NANS: variants seen among roughly 807,000 people sequenced by gnomAD.
NANS encodes the protein N-acetylneuraminate-9-phosphate synthase.
NANS carries 29 observed loss-of-function variants against 33.3 expected under a neutral mutation model. The observed-to-expected ratio is 0.87, with a 90% CI of 0.65 to 1.19. The LOEUF (loss-of-function observed/expected upper bound fraction) is 1.19, where lower values mean the gene tolerates loss of function less well. NANS is among the 50% of genes most tolerant of loss of function. NANS has a pLI of 0.00. For missense variants in NANS, 394 were observed against 461.1 expected, an observed-to-expected ratio of 0.85 and a Z score of 1.33; for synonymous variants, 163 against 177.2, an observed-to-expected ratio of 0.92 and a Z score of 0.64.
At position 98,056,851 on chromosome 9, in the gene NANS, G is replaced by A. The variant is rs766439136; in HGVS notation, c.43G>A (p.Gly15Arg). 6.2e-7 allele frequency: 1 copy of A among 1,612,198 alleles called. No individual in the cohort carries two copies. Residue 15 changes from glycine (G) to arginine (R), a missense_variant, in exon 1 of 6, where the codon GGG (glycine) becomes AGG (arginine). Gly to Arg is a moderately radical substitution (Grantham distance 125). Coordinates refer to ENST00000210444, the MANE Select transcript of NANS (RefSeq NM_018946.4). Reference protein sequence around the residue: ...LELCPGRWVGGQHPCFIIAEI... With the variant: ...LELCPGRWVGRQHPCFIIAEI... ...GCTGTGTCCCGGGCGCTGGGTGGGCGGGCAACACCCGTGCTTCATCATTGC... is the reference window on the plus strand; with the variant it reads ...GCTGTGTCCCGGGCGCTGGGTGGGCAGGCAACACCCGTGCTTCATCATTGC...
chr9:98,071,359 G>A (rs983381648), intron 2 of NANS, among the ~76,000 whole-genome samples: 1 of 152,230 alleles, frequency 6.6e-6, no homozygotes, highest in Non-Finnish European at 1.5e-5. Flanking sequence ...GGACTCTAGG[G>A]TCAGATTTTA....
Position 98,078,320 on chromosome 9 carries a change from T to A in NANS, c.576T>A (p.Pro192=). Residue 192 remains proline (P), a synonymous_variant, in exon 4 of 6, where the codon CCT becomes CCA. Coordinates refer to ENST00000210444, the MANE Select transcript of NANS (RefSeq NM_018946.4). Reference sequence around the variant, plus strand: ...GTACCAGCGCATACCCGCTCCAGCCTGAGGACGTCAACCTGCGGGTCATCT... The same window carrying A: ...GTACCAGCGCATACCCGCTCCAGCCAGAGGACGTCAACCTGCGGGTCATCT... ...LQCTSAYPLQ[P]EDVNLRVISE... The A allele has an allele frequency of 6.2e-7, 1 of 1,613,720 alleles. No individual in the cohort carries two copies. Among genetic ancestry groups the A allele is most frequent in the Non-Finnish European group, 8.5e-7 (1 of 1,179,898 alleles).
chr9:98,078,441 C>G (rs568908824), intron 4 of NANS, 94 bp downstream of exon 4: 3 of 1,439,936 alleles, frequency 2.1e-6, no homozygotes, highest in East Asian at 2.3e-5. Context: ...ACATGGCATA[C>G]TTTATAATTT....
In NANS at chr9:98,056,798, G is replaced by C. The variant is rs756535085; in HGVS notation, c.-11G>C. On this transcript the variant is annotated 5_prime_UTR_variant, in exon 1 of 6. Coordinates refer to ENST00000210444, the MANE Select transcript of NANS (RefSeq NM_018946.4). ...GACTGGTAGTGAGGCTTTGGACCCC[G>C]AGCCGCTGCAATGCCGCTGGAGCTG... The C allele has an allele frequency of 2.3e-5, 37 of 1,610,516 alleles. No homozygotes were observed. Among genetic ancestry groups the C allele is most frequent in the Non-Finnish European group, 3.1e-5 (36 of 1,179,176 alleles).
chr9:98,075,447 A>AAGGGAGGAAAGGG (rs1252837555), intron 2 of NANS: 1 of 140,644 alleles, frequency 7.1e-6, no homozygotes, highest in African/African-American at 2.6e-5. Context: ...GGAGGAAGGA[A>AAGGGAGGAAAGGG]AGGGAGGAAA....
chr9:98,077,039 T>C, intron 3 of NANS, 22 bp downstream of exon 3: 1 of 1,569,976 alleles, frequency 6.4e-7, no homozygotes, highest in Non-Finnish European at 8.7e-7. Context: ...ATTTTTGACT[T>C]AAAATCGAAG....
intron 2 of NANS, among the ~76,000 whole-genome samples, chr9:98,069,061 A>G (rs1413962615): frequency 6.6e-6 from 1 of 152,222 alleles, no homozygotes; most frequent in African/African-American, 2.4e-5. Flanking sequence ...TGTGTTTATC[A>G]TATGACCCAC....
At chr9:98,060,674 A>G in intron 1 of NANS, 108 bp from the exon 2 acceptor site, 2 of 1,032,320 alleles carry the variant, frequency 1.9e-6, no homozygotes, top group South Asian at 2.9e-5. Context: ...CTGTCTCTAA[A>G]TAAATAAATA....
intron 2 of NANS, among the ~76,000 whole-genome samples, chr9:98,066,154 T>C (rs571738678): frequency 9.5e-4 from 144 of 152,340 alleles, no homozygotes; most frequent in South Asian, 6.4e-3. Context: ...AGGAGAAATG[T>C]TATGTGTGCA....
intron 2 of NANS, among the ~76,000 whole-genome samples, chr9:98,074,156 C>T (rs1829475879): frequency 6.6e-6 from 1 of 152,184 alleles, no homozygotes; most frequent in South Asian, 2.1e-4. Flanking sequence ...AGTTGATTTA[C>T]TGGGACCCTC....
intron 3 of NANS, among the ~76,000 whole-genome samples, chr9:98,077,658 C>T (rs1189719256): frequency 6.6e-6 from 1 of 152,194 alleles, no homozygotes; most frequent in African/African-American, 2.4e-5. Context: ...CGCAGTGGGA[C>T]ATGATCGTGT....
At chr9:98,078,021 G>A (rs1829668005) in intron 3 of NANS, 172 bp from the exon 4 acceptor site, 7 of 896,000 alleles carry the variant, frequency 7.8e-6, no homozygotes, top group Non-Finnish European at 1.2e-5. Flanking sequence ...TCCTGTGGCC[G>A]AGGGCAGGAA....
intron 5 of NANS, chr9:98,082,084 T>A (rs1411238781): frequency 6.6e-6 from 1 of 152,124 alleles, no homozygotes. Flanking sequence ...TATAGAGTAA[T>A]AAAACACGTA....
chr9:98,062,378 A>G (rs1829008661), intron 2 of NANS, among the ~76,000 whole-genome samples: 1 of 152,112 alleles, frequency 6.6e-6, no homozygotes, highest in African/African-American at 2.4e-5. Flanking sequence ...CTGGAAGAGT[A>G]CAGCTCGTGC....
Position 98,083,051 on chromosome 9 carries a change from C to T in NANS, c.1076C>T (p.Ser359Phe), listed in dbSNP as rs1162321674. ...LVDNHGKKIK[S>F] Reference sequence around the variant, plus strand: ...GATAATCATGGCAAAAAAATCAAGTCTTAAAAATAAAGTGCCATTCTCTGA... The same window carrying T: ...GATAATCATGGCAAAAAAATCAAGTTTTAAAAATAAAGTGCCATTCTCTGA... Residue 359 changes from serine to phenylalanine, a missense_variant, in exon 6 of 6, where the codon TCT (serine) becomes TTT (phenylalanine). Coordinates refer to ENST00000210444, the MANE Select transcript of NANS (RefSeq NM_018946.4). 1 of 1,613,924 alleles carries T rather than the reference C, an allele frequency of 6.2e-7. No individual in the cohort carries two copies. Among genetic ancestry groups the T allele is most frequent in the South Asian group, 1.1e-5 (1 of 91,062 alleles).
At chr9:98,065,243 G>A (rs770408375) in intron 2 of NANS, among the ~76,000 whole-genome samples, 4 of 149,988 alleles carry the variant, frequency 2.7e-5, no homozygotes, top group African/African-American at 4.9e-5. Flanking sequence ...TTTCAACAGA[G>A]AATTACAATG....
chr9:98,077,527 A>T (rs1049290931), intron 3 of NANS, among the ~76,000 whole-genome samples: 2 of 152,078 alleles, frequency 1.3e-5, no homozygotes, highest in Non-Finnish European at 2.9e-5. Context: ...TTTTTTAACT[A>T]AAATTTATAA....
chr9:98,081,202 T>G, intron 5 of NANS, 120 bp downstream of exon 5: 1 of 1,367,466 alleles, frequency 7.3e-7, no homozygotes, highest in Non-Finnish European at 1.0e-6. Context: ...GATCAGTGAA[T>G]GTGCTCCCAC....
intron 2 of NANS, among the ~76,000 whole-genome samples, chr9:98,065,308 C>CTTT (rs758040892): frequency 0.011 from 1,056 of 92,720 alleles, 47 homozygotes; most frequent in Admixed American, 0.031. Context: ...ACTCCTGGTG[C>CTTT]TTTTTTTTTT....
Sources: gnomAD v4.1 joint callset for allele counts (sites outside exome capture counted in the v4.1 genomes callset) on GRCh38, gnomAD v4.1.1 for gene constraint, MANE v1.5 for transcripts, NCBI Gene and HGNC (gene_info 2026-07-23, HGNC 2026-07-21) for gene names.